The following BLTP3A variants were observed in gnomAD, a reference collection of about 807,000 sequenced individuals.
BLTP3A encodes ICBP90 binding protein 1.
At chr6:34,853,931 T>G in the BLTP3A span, among the ~76,000 whole-genome samples, 370 of 152,266 alleles carry the variant, frequency 2.4e-3, 4 homozygotes, top group African/African-American at 8.3e-3. Context: ...AAATTAAAAT[T>G]TTTGGCCAGG....
the BLTP3A span, chr6:34,856,871 G>A: frequency 4.0e-5 from 65 of 1,614,072 alleles, no homozygotes; most frequent in East Asian, 2.2e-5. Flanking sequence ...CCTCCAGCAT[G>A]GAACCGCTTA....
At chr6:34,836,402 T>G in the BLTP3A span, 9 of 1,534,490 alleles carry the variant, frequency 5.9e-6, no homozygotes, top group African/African-American at 1.4e-5. Context: ...TGTCTAGCTC[T>G]GGGCAGAGCC....
the BLTP3A span, chr6:34,871,949 C>T: frequency 3.1e-6 from 5 of 1,605,966 alleles, no homozygotes; most frequent in East Asian, 6.7e-5. Flanking sequence ...AGAACAGTAG[C>T]TGCCCATAAC....
the BLTP3A span, among the ~76,000 whole-genome samples, chr6:34,833,411 ATT>A: frequency 5.1e-4 from 75 of 146,696 alleles, no homozygotes; most frequent in East Asian, 1.6e-3. Context: ...ATCATTGAAG[ATT>A]TTTTTTTTTT....
chr6:34,857,553 TTTG>T, the BLTP3A span: 1 of 1,549,564 alleles, frequency 6.5e-7, no homozygotes, highest in Non-Finnish European at 8.7e-7. Context: ...TATATTTTTA[TTTG>T]TTGTTAGGAG....
the BLTP3A span, chr6:34,836,308 G>T: frequency 6.2e-7 from 1 of 1,614,166 alleles, no homozygotes; most frequent in Non-Finnish European, 8.5e-7. Context: ...TCTCCCGCCT[G>T]GACCTGCACA....
chr6:34,858,990 T>C, the BLTP3A span: 2 of 1,614,038 alleles, frequency 1.2e-6, no homozygotes, highest in South Asian at 2.2e-5. Context: ...TTCCCAGTGC[T>C]GAAGTGGCTC....
At chr6:34,860,704 T>C in the BLTP3A span, among the ~76,000 whole-genome samples, 1 of 152,128 alleles carries the variant, frequency 6.6e-6, no homozygotes, top group African/African-American at 2.4e-5. Context: ...AAACTGAGGC[T>C]CAGAGAGGTA....
At chr6:34,871,054 G>A in the BLTP3A span, 8 of 1,614,052 alleles carry the variant, frequency 5.0e-6, no homozygotes, top group African/African-American at 9.3e-5. Flanking sequence ...CTTGGAGGAT[G>A]AGGAGATCCC....
the BLTP3A span, among the ~76,000 whole-genome samples, chr6:34,868,325 A>T: frequency 6.7e-6 from 1 of 149,344 alleles, no homozygotes; most frequent in African/African-American, 2.5e-5. Flanking sequence ...TATATATATA[A>T]ATATATTTTT....
chr6:34,839,066 C>G, the BLTP3A span, among the ~76,000 whole-genome samples: 5 of 152,216 alleles, frequency 3.3e-5, no homozygotes, highest in Non-Finnish European at 7.3e-5. Flanking sequence ...GCCTGACCAA[C>G]ATGGAGAAAC....
chr6:34,844,041 C>T, the BLTP3A span, among the ~76,000 whole-genome samples: 11 of 151,544 alleles, frequency 7.3e-5, no homozygotes, highest in African/African-American at 2.2e-4. Context: ...AGTGCAGTGG[C>T]GTGATCTTTG....
the BLTP3A span, chr6:34,856,298 G>A: frequency 3.7e-6 from 6 of 1,614,184 alleles, no homozygotes; most frequent in South Asian, 6.6e-5. Flanking sequence ...AGGCCAGTGG[G>A]CCCAGAAGCT....
chr6:34,871,629 A>G, the BLTP3A span: 1 of 1,613,998 alleles, frequency 6.2e-7, no homozygotes, highest in Non-Finnish European at 8.5e-7. Context: ...CCCCATCCCC[A>G]TCACTCTGGC....
the BLTP3A span, among the ~76,000 whole-genome samples, chr6:34,825,318 CTTTTT>C: frequency 1.4e-5 from 2 of 142,402 alleles, no homozygotes; most frequent in East Asian, 4.2e-4. Flanking sequence ...TTTTTTTTTT[CTTTTT>C]TGAGATGGAG....
chr6:34,820,790 T>C, the BLTP3A span, among the ~76,000 whole-genome samples: 20,071 of 145,540 alleles, frequency 0.14, 1,738 homozygotes, highest in African/African-American at 0.23. Context: ...TAGCTGGGAC[T>C]ATAGGCATGC....
chr6:34,844,099 G>A, the BLTP3A span, among the ~76,000 whole-genome samples: 4 of 151,876 alleles, frequency 2.6e-5, no homozygotes, highest in South Asian at 8.3e-4. Flanking sequence ...TCCTGCCTCA[G>A]CCTCCTGAGT....
At chr6:34,845,554 G>T in the BLTP3A span, among the ~76,000 whole-genome samples, 1 of 151,934 alleles carries the variant, frequency 6.6e-6, no homozygotes, top group Non-Finnish European at 1.5e-5. Context: ...GAATAGCTGG[G>T]ACTATAAGTG....
At chr6:34,821,292 C>G in the BLTP3A span, among the ~76,000 whole-genome samples, 8 of 152,282 alleles carry the variant, frequency 5.3e-5, no homozygotes, top group South Asian at 1.7e-3. Flanking sequence ...TCAGAAATAC[C>G]GAAAGACTAC....
Sources: allele counts gnomAD v4.1 joint callset (sites outside exome capture counted in the v4.1 genomes callset), GRCh38; gene constraint gnomAD v4.1.1; transcripts MANE v1.5; gene names NCBI Gene and HGNC (gene_info 2026-07-23, HGNC 2026-07-21).